GPC5: variants seen among roughly 807,000 people sequenced by gnomAD.
GPC5 encodes the protein glypican-5.
In GPC5, 47 loss-of-function variants were observed where a neutral mutation model predicts 53.9. That is an observed-to-expected ratio of 0.87 (90% CI 0.69 to 1.11). The LOEUF is 1.11. GPC5 is among the 50% of genes most tolerant of loss of function. The pLI is 0.00. For missense variants in GPC5, 748 were observed against 713.1 expected (o/e 1.05, Z -0.56); for synonymous variants, 286 against 263.3 (o/e 1.09, Z -0.84).
At chr13:92,495,017 T>G (rs1430287386) in intron 7 of GPC5, among the ~76,000 whole-genome samples, 1 of 152,224 alleles carries the variant, frequency 6.6e-6, no homozygotes, top group Non-Finnish European at 1.5e-5. Context: ...TTGAGTTATT[T>G]TGCTTAAGAG....
chr13:92,580,127 A>G (rs1040290426), intron 7 of GPC5, among the ~76,000 whole-genome samples: 3 of 152,212 alleles, frequency 2.0e-5, no homozygotes, highest in Admixed American at 6.6e-5. Context: ...CAGCATGTTC[A>G]AGGGGAAAAT....
chr13:91,477,231 A>G (rs1882984561), intron 2 of GPC5, among the ~76,000 whole-genome samples: 1 of 152,178 alleles, frequency 6.6e-6, no homozygotes, highest in African/African-American at 2.4e-5. Flanking sequence ...CAGGCAAGAA[A>G]TTATAAGGCC....
chr13:92,790,110 G>A (rs1876408701), intron 7 of GPC5, among the ~76,000 whole-genome samples: 1 of 152,106 alleles, frequency 6.6e-6, no homozygotes, highest in African/African-American at 2.4e-5. Flanking sequence ...AGCAGCACTG[G>A]CAGCTGATTT....
chr13:91,599,254 A>G (rs2033098371), intron 2 of GPC5, among the ~76,000 whole-genome samples: 1 of 152,174 alleles, frequency 6.6e-6, no homozygotes, highest in Admixed American at 6.5e-5. Flanking sequence ...TCATTTGGCT[A>G]AATGTCAGTC....
chr13:91,478,120 T>G (rs917402385), intron 2 of GPC5, among the ~76,000 whole-genome samples: 7 of 152,150 alleles, frequency 4.6e-5, no homozygotes, highest in Non-Finnish European at 1.0e-4. Flanking sequence ...TTTTTTTGTT[T>G]TGCTTCACTG....
intron 3 of GPC5, among the ~76,000 whole-genome samples, chr13:91,723,838 G>T (rs2036524530): frequency 6.6e-6 from 1 of 152,142 alleles, no homozygotes; most frequent in African/African-American, 2.4e-5. Flanking sequence ...ACAATAGTCT[G>T]AAAAATAAAA....
chr13:92,296,812 A>T (rs2043038698), intron 7 of GPC5, among the ~76,000 whole-genome samples: 1 of 152,198 alleles, frequency 6.6e-6, no homozygotes. Context: ...CACCCAGGCC[A>T]GTGGCTGCGG....
At chr13:91,449,047 G>A in intron 2 of GPC5, 125 bp downstream of exon 2, 1 of 1,116,278 alleles carries the variant, frequency 9.0e-7, no homozygotes, top group Non-Finnish European at 1.3e-6. Flanking sequence ...GGTATAAAAT[G>A]AGGTTTTAAC....
chr13:92,149,242 T>G (rs1406481933), intron 7 of GPC5, among the ~76,000 whole-genome samples: 1 of 152,080 alleles, frequency 6.6e-6, no homozygotes, highest in African/African-American at 2.4e-5. Flanking sequence ...TATTGACAAC[T>G]AGCCCTTTTC....
At chr13:92,003,980 C>G (rs974239300) in intron 6 of GPC5, among the ~76,000 whole-genome samples, 1 of 152,104 alleles carries the variant, frequency 6.6e-6, no homozygotes, top group Admixed American at 6.6e-5. Flanking sequence ...ACCTCCTCAC[C>G]AGGAGTTTTA....
chr13:91,711,569 G>A (rs780852649), intron 3 of GPC5, among the ~76,000 whole-genome samples: 77 of 152,108 alleles, frequency 5.1e-4, no homozygotes, highest in Admixed American at 8.5e-4. Flanking sequence ...AAACCTGCAC[G>A]TTGTGCACAT....
chr13:91,670,706 GA>G (rs1566596725), intron 2 of GPC5, among the ~76,000 whole-genome samples: 1 of 152,114 alleles, frequency 6.6e-6, no homozygotes, highest in Non-Finnish European at 1.5e-5. Context: ...GTCAGTTGCT[GA>G]GGGCGGGGCA....
intron 7 of GPC5, among the ~76,000 whole-genome samples, chr13:92,314,094 A>G (rs2043162845): frequency 6.6e-6 from 1 of 152,202 alleles, no homozygotes. Flanking sequence ...TGTGAGACAA[A>G]TGGAGGAGAG....
intron 7 of GPC5, among the ~76,000 whole-genome samples, chr13:92,167,777 T>A (rs145873265): frequency 6.6e-6 from 1 of 152,210 alleles, no homozygotes; most frequent in African/African-American, 2.4e-5. Flanking sequence ...TGCAAGCCTT[T>A]CAGAAAAGGT....
At chr13:92,573,246 T>A (rs1477531411) in intron 7 of GPC5, among the ~76,000 whole-genome samples, 5 of 152,186 alleles carry the variant, frequency 3.3e-5, no homozygotes, top group Non-Finnish European at 5.9e-5. Context: ...TCCTCAGGTG[T>A]GCCTAATAAA....
intron 5 of GPC5, among the ~76,000 whole-genome samples, chr13:91,894,354 G>GA (rs1258588712): frequency 1.3e-5 from 2 of 152,088 alleles, no homozygotes; most frequent in Non-Finnish European, 2.9e-5. Context: ...AAGTAGGTAG[G>GA]AAAAAATTAG....
At chr13:92,756,588 T>G (rs1178436402) in intron 7 of GPC5, among the ~76,000 whole-genome samples, 1 of 150,430 alleles carries the variant, frequency 6.6e-6, no homozygotes, top group Non-Finnish European at 1.5e-5. Flanking sequence ...AACCCCATTG[T>G]CTCAGCCCAA....
intron 7 of GPC5, among the ~76,000 whole-genome samples, chr13:92,166,983 CACACACACACACATAT>C (rs1308646222): frequency 6.6e-6 from 1 of 151,234 alleles, no homozygotes; most frequent in African/African-American, 2.4e-5. Context: ...CACACACACA[CACACACACACACATAT>C]ACACACGCCC....
chr13:92,166,825 T>G (rs890241549), intron 7 of GPC5, among the ~76,000 whole-genome samples: 1 of 152,058 alleles, frequency 6.6e-6, no homozygotes, highest in South Asian at 2.1e-4. Context: ...CAATACTCAT[T>G]TGTGTGATCT....
Sources: gnomAD v4.1 joint callset for allele counts (sites outside exome capture counted in the v4.1 genomes callset) on GRCh38, gnomAD v4.1.1 for gene constraint, MANE v1.5 for transcripts, NCBI Gene and HGNC (gene_info 2026-07-23, HGNC 2026-07-21) for gene names.